Variants in PEAK1 observed in about 807,000 individuals in gnomAD.
The protein encoded by PEAK1 is pseudopodium enriched atypical kinase 1, also known as inactive tyrosine-protein kinase PEAK1.
Under a neutral mutation model 124.7 loss-of-function variants are expected in PEAK1, and 54 were observed. The ratio of observed to expected loss-of-function variants is 0.43; its 90% CI spans 0.35 to 0.54. The LOEUF is 0.54. Among genes scored for constraint, PEAK1 ranks in the 20% least tolerant of loss-of-function variants. The probability of loss-of-function intolerance (pLI) is 0.01; values close to 1 mark genes in which losing one functional copy is unlikely to be tolerated. For synonymous variants in PEAK1, 719 were observed against 760.0 expected (o/e 0.95, Z 0.89); for missense variants, 2,046 against 2,134.5 (o/e 0.96, Z 0.82).
rs529194210 is a variant in PEAK1 at position 77,321,173 on chromosome 15, C to T, written c.-602-34669G>A. On this transcript the variant is annotated intron_variant, in intron 2 of 9. Coordinates refer to ENST00000682557, the MANE Select transcript of PEAK1 (RefSeq NM_001385026.1). ...GATTTATAATCCTTTGGGTATATAC[C>T]CAGTAATGGGATGGCTGGGTCAAAT... Among the ~76,000 whole-genome samples, 17 of 152,200 alleles carry T rather than the reference C, an allele frequency of 1.1e-4. 1 individual carries two copies. The South Asian group carries it at 3.3e-3, about 30-fold the overall frequency.
chr15:77,365,863 A>G (rs562489424), intron 1 of PEAK1, among the ~76,000 whole-genome samples: 17 of 152,196 alleles, frequency 1.1e-4, no homozygotes, highest in Non-Finnish European at 1.9e-4. Context: ...TACACTCCCT[A>G]TATTATGATT....
chr15:77,397,337 A>T (rs1185487258), intron 1 of PEAK1, among the ~76,000 whole-genome samples: 2 of 152,128 alleles, frequency 1.3e-5, no homozygotes, highest in Admixed American at 1.3e-4. Context: ...TTACAGGTAT[A>T]ATCACCTATA....
intron 2 of PEAK1, among the ~76,000 whole-genome samples, chr15:77,300,640 T>A (rs1257720867): frequency 2.0e-5 from 3 of 152,148 alleles, no homozygotes; most frequent in Non-Finnish European, 4.4e-5. Flanking sequence ...AAGTCCATAT[T>A]TTATTCAGGT....
intron 3 of PEAK1, among the ~76,000 whole-genome samples, chr15:77,285,326 C>T (rs1477832785): frequency 6.6e-6 from 1 of 152,198 alleles, no homozygotes; most frequent in Non-Finnish European, 1.5e-5. Context: ...TAGTTCCCAT[C>T]TCTAATCTTC....
chr15:77,278,494 TAA>T, intron 5 of PEAK1: 1 of 495,836 alleles, frequency 2.0e-6, no homozygotes, highest in Admixed American at 2.1e-5. Flanking sequence ...AAGGGGATGC[TAA>T]AGGAGATAAA....
chr15:77,400,951 ATTTTGCATT>A, intron 1 of PEAK1, among the ~76,000 whole-genome samples: 1 of 152,180 alleles, frequency 6.6e-6, no homozygotes, highest in African/African-American at 2.4e-5. Flanking sequence ...AATAATCAAG[ATTTTGCATT>A]TGATCCTTAC....
chr15:77,180,869 C>A lies in PEAK1; in HGVS notation c.1058G>T (p.Arg353Leu). ...SPDSSLTEES[R>L]SETASSLSQK... ...GGATAAACTACTGGCTGTCTCAGAACGTGATTCTTCTGTTAAAGAAGAATC... is the reference window on the plus strand; with the variant it reads ...GGATAAACTACTGGCTGTCTCAGAAAGTGATTCTTCTGTTAAAGAAGAATC... Residue 353 changes from arginine (R) to leucine (L), a missense_variant, in exon 7 of 10, where the codon CGT becomes CTT. Physicochemically the swap from Arg to Leu is moderately radical, Grantham distance 102 (BLOSUM62 -2). Coordinates refer to ENST00000682557, the MANE Select transcript of PEAK1 (RefSeq NM_001385026.1). 1 of 1,614,004 alleles carries A rather than the reference C, an allele frequency of 6.2e-7. No homozygotes were observed. Among genetic ancestry groups the A allele is most frequent in the Non-Finnish European group, 8.5e-7 (1 of 1,179,976 alleles).
Position 77,232,078 on chromosome 15 carries a change from T to C in PEAK1, c.-115+20289A>G, listed in dbSNP as rs528909451. ...TCACCTGAGATGTTTGCTTAAAATG[T>C]AGAGGCTTACTCCAACAATTCTTGG... On this transcript the variant is annotated intron_variant, in intron 6 of 9. Coordinates refer to ENST00000682557, the MANE Select transcript of PEAK1 (RefSeq NM_001385026.1). Among the ~76,000 whole-genome samples the C allele has an allele frequency of 2.8e-3, 431 of 152,356 alleles. 2 individuals are homozygous for C. The highest frequency in any genetic ancestry group is 9.7e-3 in the African/African-American group (405 of 41,596).
chr15:77,145,756 C>T (rs1165951686), intron 8 of PEAK1, among the ~76,000 whole-genome samples: 1 of 152,140 alleles, frequency 6.6e-6, no homozygotes, highest in Admixed American at 6.5e-5. Flanking sequence ...TTCCAGACTC[C>T]TCCAGGCAAA....
chr15:77,387,319 G>C (rs1455400396), intron 1 of PEAK1, among the ~76,000 whole-genome samples: 1 of 152,160 alleles, frequency 6.6e-6, no homozygotes, highest in African/African-American at 2.4e-5. Flanking sequence ...TCACTGCCTA[G>C]GTGTAAATAT....
At chr15:77,246,472 G>C (rs528630094) in intron 6 of PEAK1, among the ~76,000 whole-genome samples, 3 of 151,954 alleles carry the variant, frequency 2.0e-5, no homozygotes, top group Non-Finnish European at 2.9e-5. Flanking sequence ...TACAGTGAGC[G>C]GTCTGGACCT....
At chr15:77,264,544 C>A (rs2061613282) in intron 5 of PEAK1, among the ~76,000 whole-genome samples, 1 of 152,154 alleles carries the variant, frequency 6.6e-6, no homozygotes, top group Admixed American at 6.5e-5. Context: ...ATCCAATTTA[C>A]AAGGGACGTG....
intron 8 of PEAK1, chr15:77,156,552 C>T (rs901893402): frequency 2.0e-5 from 3 of 152,512 alleles, no homozygotes; most frequent in African/African-American, 4.8e-5. Flanking sequence ...GAACCCGGTA[C>T]CTCAGATGGA....
In PEAK1 at chr15:77,205,678, T is replaced by C. The variant is rs146681981; in HGVS notation, c.-114-23638A>G. On this transcript the variant is annotated intron_variant, in intron 6 of 9. Coordinates refer to ENST00000682557, the MANE Select transcript of PEAK1 (RefSeq NM_001385026.1). ...GAAAACTTTGAGTATATAGTGTATA[T>C]GCTATTAAATTGTGAATTGGTAGGA... Among the ~76,000 whole-genome samples the C allele has an allele frequency of 2.0e-3, 301 of 152,286 alleles. 3 individuals are homozygous for C. The highest frequency in any genetic ancestry group is 0.01 in the Middle Eastern group (3 of 294).
Position 77,252,380 on chromosome 15 carries a change from A to G in PEAK1, c.-128T>C, listed in dbSNP as rs1176826121. 3 of 985,188 alleles carry G rather than the reference A, an allele frequency of 3.0e-6. No homozygotes were observed. The highest frequency in any genetic ancestry group is 2.3e-4 in the East Asian group (2 of 8,834). 61.0% of individuals were successfully genotyped at this position (985,188 alleles called of 1,614,324 possible). A position where few individuals can be genotyped will look rare whatever the true frequency, so the allele number is the denominator to read the frequency against. On this transcript the variant is annotated 5_prime_UTR_variant, in exon 6 of 10. Transcript: ENST00000682557. ...AATTCTGCTTACTATTTAAATCTGA[A>G]GCACTTCATTCATTCTGGTGACAAA...
intron 5 of PEAK1, chr15:77,255,415 C>T (rs1596916896): frequency 3.1e-6 from 3 of 973,470 alleles, no homozygotes; most frequent in Non-Finnish European, 3.7e-6. Flanking sequence ...AACAAAAGTT[C>T]TTCTCTCCCT....
chr15:77,273,398 G>C (rs924135581), intron 5 of PEAK1, among the ~76,000 whole-genome samples: 2 of 152,104 alleles, frequency 1.3e-5, no homozygotes, highest in African/African-American at 2.4e-5. Flanking sequence ...TCCTGAACTA[G>C]TAAATGAATT....
In PEAK1 at chr15:77,397,609, AC is replaced by A. The variant is rs2071001645; in HGVS notation, c.-666+22396del. On this transcript the variant is annotated intron_variant, in intron 1 of 9. Coordinates refer to ENST00000682557, the MANE Select transcript of PEAK1 (RefSeq NM_001385026.1). The stretch of plus-strand genomic sequence containing the variant: ...AAAAGATGAAAAAGAAGAAATTAAA[AC>A]CAATACTGCAGAAATTCAAAGGATC... Among the ~76,000 whole-genome samples, 19 of 152,266 alleles carry A rather than the reference AC, an allele frequency of 1.2e-4. No homozygotes were observed. The South Asian group carries it at 3.7e-3, about 30-fold the overall frequency.
At chr15:77,415,827 G>A (rs767188883) in intron 1 of PEAK1, among the ~76,000 whole-genome samples, 4 of 151,814 alleles carry the variant, frequency 2.6e-5, no homozygotes, top group Non-Finnish European at 4.4e-5. Context: ...AGTCTCCCAC[G>A]CCCACCAAAC....
Sources: gnomAD v4.1 joint callset for allele counts (sites outside exome capture counted in the v4.1 genomes callset) on GRCh38, gnomAD v4.1.1 for gene constraint, MANE v1.5 for transcripts, NCBI Gene and HGNC (gene_info 2026-07-23, HGNC 2026-07-21) for gene names.